Variants in MDN1 observed in about 807,000 individuals in gnomAD.
The protein encoded by MDN1 is midasin.
Under a neutral mutation model 669.2 loss-of-function variants are expected in MDN1, and 266 were observed. The observed-to-expected ratio is 0.40, with a 90% CI of 0.36 to 0.44. The LOEUF (loss-of-function observed/expected upper bound fraction) is 0.44, where lower values mean the gene tolerates loss of function less well. MDN1 is among the 20% of genes least tolerant of loss of function. MDN1 has a pLI of 1.00. For missense variants in MDN1, 5,940 were observed against 6,754.0 expected (o/e 0.88, Z 4.22); for synonymous variants, 2,385 against 2,457.1 (o/e 0.97, Z 0.87).
chr6:89,784,987 T>C (rs372908377), intron 9 of MDN1, 25 bp downstream of exon 9: 56 of 1,490,718 alleles, frequency 3.8e-5, no homozygotes, highest in Admixed American at 1.0e-4. Context: ...CTGGCCAGCA[T>C]TGATACTTTC....
Position 89,650,216 on chromosome 6 carries a change from G to A in MDN1, c.16032-18C>T, listed in dbSNP as rs1412721030. On this transcript the variant is annotated intron_variant, in intron 96 of 101. Transcript: ENST00000369393. ...AGTCTCCTCTATTTATTCAAATGGG[G>A]GCAAAAATTAGTTAACAACTTTTAA... 4 of 1,595,574 alleles carry A rather than the reference G, an allele frequency of 2.5e-6. No homozygotes were observed. Among genetic ancestry groups the A allele is most frequent in the East Asian group, 2.2e-5 (1 of 44,586 alleles).
At chr6:89,721,328 G>A (rs1180454785) in intron 40 of MDN1, among the ~76,000 whole-genome samples, 3 of 152,176 alleles carry the variant, frequency 2.0e-5, no homozygotes, top group African/African-American at 7.2e-5. Flanking sequence ...TGGCACACAG[G>A]CATTAGACAG....
At position 89,727,899 on chromosome 6, in the gene MDN1, C is replaced by G. The variant is rs544453574; in HGVS notation, c.5406G>C (p.Glu1802Asp). 2 of 1,614,050 alleles carry G rather than the reference C, an allele frequency of 1.2e-6. No individual in the cohort carries two copies. Among genetic ancestry groups the G allele is most frequent in the Admixed American group, 3.3e-5 (2 of 60,014 alleles). The change falls in exon 37 of 102, where the codon GAG (glutamate) becomes GAC (aspartate). Residue 1802 changes from glutamate (E) to aspartate (D), a missense_variant. By Grantham distance (45) the Glu-to-Asp change is conservative (BLOSUM62 2). This residue lies in a region of MDN1 where 2,292 missense variants were observed against 2,638.3 expected (regional missense o/e 0.87). Coordinates refer to ENST00000369393, the MANE Select transcript of MDN1 (RefSeq NM_014611.3). Reference protein sequence around the residue: ...DLPVEGGKGGEFAWRDGPLLA... With the variant: ...DLPVEGGKGGDFAWRDGPLLA... ...GTAAGGGGCCATCACGCCAGGCAAA[C>G]TCTCCTCCCTTGCCACCTTCAACAG...
chr6:89,731,989 T>C (rs1182983918), intron 34 of MDN1, among the ~76,000 whole-genome samples: 1 of 151,608 alleles, frequency 6.6e-6, no homozygotes, highest in Non-Finnish European at 1.5e-5. Context: ...CCACCTTATC[T>C]AAAAAAATTC....
rs1351168458 is a variant in MDN1, at chr6:89,690,050, G to A, written c.10843C>T (p.Leu3615Phe). ...EEEAGTNPAL[L>F]SQNSMQAVML... is the part of the protein sequence containing the mutation. ...ACTGCCTGCATTGAATTCTGGGAGA[G>A]GAGAGCTGGGTTTGTGCCTGCTTCC... Residue 3615 changes from leucine to phenylalanine, a missense_variant, in exon 65 of 102, where the codon CTC (leucine) becomes TTC (phenylalanine). This residue lies in a region of MDN1 where 2,280 missense variants were observed against 2,576.3 expected (regional missense o/e 0.88). Coordinates refer to ENST00000369393, the MANE Select transcript of MDN1 (RefSeq NM_014611.3). The A allele has an allele frequency of 1.9e-6, 3 of 1,614,064 alleles. No homozygotes were observed. In the South Asian group the frequency reaches 3.3e-5, roughly 18 times the overall value.
intron 60 of MDN1, 135 bp from the exon 61 acceptor site, chr6:89,696,127 A>T: frequency 1.5e-6 from 2 of 1,292,830 alleles, no homozygotes; most frequent in Admixed American, 4.9e-5. Context: ...TTCTGTTCTC[A>T]CATGGTCTTA....
chr6:89,680,770 G>A lies in MDN1; in HGVS notation c.12103-19C>T, dbSNP rs1811559023. ...TTGTGGCCTGTGAGACAAAAGACAG[G>A]TTAGCCTCACTGCCAAGAATGACAG... On this transcript the variant is annotated intron_variant, in intron 73 of 101. Coordinates refer to ENST00000369393, the MANE Select transcript of MDN1 (RefSeq NM_014611.3). 1 of 1,608,750 alleles carries A rather than the reference G, an allele frequency of 6.2e-7. No homozygotes were observed. Among genetic ancestry groups the A allele is most frequent in the African/African-American group, 1.3e-5 (1 of 74,726 alleles).
rs369064081 is a variant in MDN1, at chr6:89,655,877, G to A, written c.15377C>T (p.Thr5126Met). ...RVHKRLRTVD[T>M]DSHAEQGPAQ... ...TGGCCCCTGCTCGGCATGGCTGTCC[G>A]TATCCACAGTCCTCAGCCTCTTGTG... Residue 5126 changes from threonine (T) to methionine (M), a missense_variant, in exon 92 of 102, where the codon ACG becomes ATG. By Grantham distance (81) the Thr-to-Met change is moderately conservative. This residue lies in a region of MDN1 where 2,280 missense variants were observed against 2,576.3 expected (regional missense o/e 0.88). Coordinates refer to ENST00000369393, the MANE Select transcript of MDN1 (RefSeq NM_014611.3). 1.6e-5 allele frequency: 26 copies of A among 1,613,936 alleles called. No individual in the cohort carries two copies. Among genetic ancestry groups the A allele is most frequent in the African/African-American group, 1.1e-4 (8 of 74,900 alleles).
chr6:89,719,081 CA>C (rs776054873), intron 41 of MDN1, 51 bp from the exon 42 acceptor site: 1 of 1,613,032 alleles, frequency 6.2e-7, no homozygotes, highest in South Asian at 1.1e-5. Context: ...GTAGTGGGAG[CA>C]GAAGAAACCA....
chr6:89,683,431 C>A, intron 72 of MDN1, 101 bp from the exon 73 acceptor site: 8 of 906,544 alleles, frequency 8.8e-6, no homozygotes, highest in Non-Finnish European at 1.4e-5. Flanking sequence ...AATCTAATAC[C>A]CTGTACCTTT....
chr6:89,664,844 T>C (rs1810072386), intron 84 of MDN1, among the ~76,000 whole-genome samples: 1 of 152,134 alleles, frequency 6.6e-6, no homozygotes, highest in Admixed American at 6.6e-5. Flanking sequence ...GGTTTTCTTA[T>C]TGGGAATTGT....
At chr6:89,761,122 T>C (rs1817523233) in intron 17 of MDN1, among the ~76,000 whole-genome samples, 1 of 151,868 alleles carries the variant, frequency 6.6e-6, no homozygotes, top group African/African-American at 2.4e-5. Context: ...GCCGAGACTG[T>C]GCCACTGCAC....
Position 89,648,297 on chromosome 6 carries a change from A to C in MDN1, c.16239T>G (p.Asn5413Lys). The C allele has an allele frequency of 6.2e-7, 1 of 1,614,200 alleles. No homozygotes were observed. Among genetic ancestry groups the C allele is most frequent in the Non-Finnish European group, 8.5e-7 (1 of 1,180,010 alleles). ...GACCCACTTCCAGGAGGGTTAGAGC[A>C]TTTCCAATCACAGCCAAAGATTCAA... ...LAFESLAVIG[N>K]ALTLLEVGQI... is the part of the protein sequence containing the mutation. The change falls in exon 98 of 102, where the codon AAT becomes AAG. Residue 5413 changes from asparagine (N) to lysine (K), a missense_variant. Transcript: ENST00000369393.
chr6:89,680,666 C>T lies in MDN1; in HGVS notation c.12188G>A (p.Arg4063His), dbSNP rs375071415. The T allele has an allele frequency of 3.2e-5, 51 of 1,614,068 alleles. No homozygotes were observed. The African/African-American group carries it at 5.3e-4, about 17-fold the overall frequency. ...GAACGTCAGGCACATCTTCCTCATG[C>T]GTTTCCTGAGCTTTGGCAAGCGACG... The part of the protein sequence containing the change: ...LLRRLPKLRK[R>H]MRKMCLTFMK... Residue 4063 changes from arginine (R) to histidine (H), a missense_variant, in exon 74 of 102, where the codon CGC becomes CAC. Coordinates refer to ENST00000369393, the MANE Select transcript of MDN1 (RefSeq NM_014611.3).
intron 11 of MDN1, among the ~76,000 whole-genome samples, chr6:89,778,239 T>G (rs1355572663): frequency 6.6e-6 from 1 of 151,426 alleles, no homozygotes; most frequent in Non-Finnish European, 1.5e-5. Flanking sequence ...CCCCCAATAC[T>G]GCAAATTGCT....
chr6:89,643,300 C>T lies in MDN1; in HGVS notation c.*705G>A, dbSNP rs1173896262. 4.6e-5 allele frequency: 7 copies of T among 152,164 alleles called. No individual in the cohort carries two copies. Among genetic ancestry groups the T allele is most frequent in the Admixed American group, 4.6e-4 (7 of 15,274 alleles). The allele number at this position is 152,164 out of a possible 1,614,324, so 9.4% of individuals were successfully genotyped here. ...CTGAATGAAATAAAGGGGCAATCAC[C>T]TTCCCATCATTGCATAGTCTCCCGA... On this transcript the variant is annotated 3_prime_UTR_variant, in exon 102 of 102. Transcript: ENST00000369393.
In MDN1 at chr6:89,758,245, A is replaced by C; in HGVS notation, c.2702+10T>G. On this transcript the variant is annotated intron_variant, in intron 19 of 101. Transcript: ENST00000369393. Reference sequence around the variant, plus strand: ...CAAAAAAGGAAAGTCTCCAAGAACCAAACCCTCACCTGTTTCTTATTCCTG... The same window carrying C: ...CAAAAAAGGAAAGTCTCCAAGAACCCAACCCTCACCTGTTTCTTATTCCTG... 6.3e-7 allele frequency: 1 copy of C among 1,599,440 alleles called. No individual in the cohort carries two copies. The highest frequency in any genetic ancestry group is 2.2e-5 in the East Asian group (1 of 44,806).
intron 70 of MDN1, 91 bp downstream of exon 70, chr6:89,685,736 G>A (rs1395213038): frequency 2.2e-5 from 30 of 1,365,806 alleles, no homozygotes; most frequent in Middle Eastern, 1.8e-4. Flanking sequence ...AAAACCTAGC[G>A]TGCAACAAGG....
intron 26 of MDN1, among the ~76,000 whole-genome samples, chr6:89,748,250 C>T (rs1399593034): frequency 3.3e-5 from 5 of 152,090 alleles, no homozygotes; most frequent in African/African-American, 1.2e-4. Context: ...TGCTTGAACC[C>T]GGGAGGCGGA....
Sources: gnomAD v4.1 joint callset for allele counts (sites outside exome capture counted in the v4.1 genomes callset) on GRCh38, gnomAD v4.1.1 for gene constraint, gnomAD v4.1.1 regional missense constraint, MANE v1.5 for transcripts, NCBI Gene and HGNC (gene_info 2026-07-23, HGNC 2026-07-21) for gene names.